Variants in KIF13B observed in about 807,000 individuals in gnomAD.
The protein encoded by KIF13B is kinesin-like protein KIF13B.
A neutral mutation model predicts 222.0 loss-of-function variants in KIF13B; 127 were observed. That is an observed-to-expected ratio of 0.57 (90% CI 0.50 to 0.66). KIF13B has a LOEUF of 0.66. KIF13B is among the 30% of genes least tolerant of loss of function. KIF13B has a pLI of 0.00. For missense variants in KIF13B, 2,173 were observed against 2,379.0 expected (o/e 0.91, Z 1.80); for synonymous variants, 976 against 919.0 (o/e 1.06, Z -1.12).
At chr8:29,234,835 C>A (rs1815436781) in intron 2 of KIF13B, among the ~76,000 whole-genome samples, 2 of 151,998 alleles carry the variant, frequency 1.3e-5, no homozygotes, top group Admixed American at 6.6e-5. Flanking sequence ...CCTGGCAAAT[C>A]ATAAAAATGA....
At chr8:29,216,589 ACT>A (rs1319254717) in intron 2 of KIF13B, among the ~76,000 whole-genome samples, 1 of 151,394 alleles carries the variant, frequency 6.6e-6, no homozygotes, top group African/African-American at 2.4e-5. Context: ...ACAAAGTGAG[ACT>A]CTGTCTCAAA....
At chr8:29,122,533 T>C in intron 29 of KIF13B, 58 bp downstream of exon 29, 4 of 1,400,178 alleles carry the variant, frequency 2.9e-6, no homozygotes, top group East Asian at 4.7e-5. Context: ...GGAATCTACA[T>C]GTTATGTAGG....
chr8:29,178,784 T>C (rs1293591518), intron 8 of KIF13B, among the ~76,000 whole-genome samples: 1 of 152,152 alleles, frequency 6.6e-6, no homozygotes, highest in Non-Finnish European at 1.5e-5. Flanking sequence ...TTTCAGCAGA[T>C]GAAAATCCTG....
In KIF13B at chr8:29,167,352, G is replaced by A. The variant is rs375775010; in HGVS notation, c.1158+21C>T. On this transcript the variant is annotated intron_variant, in intron 11 of 39. Transcript: ENST00000524189. ...ATTCCTCTTCCTGGACTCACAGGGC[G>A]CACGCGGTGGTGCCTCCTACCTCTG... 4.4e-5 allele frequency: 70 copies of A among 1,586,270 alleles called. No homozygotes were observed. In the African/African-American group the frequency reaches 8.1e-4, roughly 18 times the overall value.
At chr8:29,230,431 C>A (rs1456588429) in intron 2 of KIF13B, among the ~76,000 whole-genome samples, 1 of 152,182 alleles carries the variant, frequency 6.6e-6, no homozygotes, top group Non-Finnish European at 1.5e-5. Context: ...ACTATCCATA[C>A]CAAGTTCTGG....
At chr8:29,163,563 C>A (rs190285204) in intron 12 of KIF13B, among the ~76,000 whole-genome samples, 3 of 152,340 alleles carry the variant, frequency 2.0e-5, no homozygotes, top group Middle Eastern at 3.4e-3. Flanking sequence ...GACTTATTAA[C>A]ACTTTGTAGC....
rs182760130 is a variant in KIF13B at position 29,090,428 on chromosome 8, C to G, written c.4458+2317G>C. Reference sequence around the variant, plus strand: ...ACTGGATGTAAAGACTTGATGGAATCTACAGTCCCAGGAGTGGATCGCGGA... The same window carrying G: ...ACTGGATGTAAAGACTTGATGGAATGTACAGTCCCAGGAGTGGATCGCGGA... On this transcript the variant is annotated intron_variant, in intron 37 of 39. Coordinates refer to ENST00000524189, the MANE Select transcript of KIF13B (RefSeq NM_015254.4). Among the ~76,000 whole-genome samples, 8 of 152,320 alleles carry G rather than the reference C, an allele frequency of 5.3e-5. 1 individual carries two copies. The highest frequency in any genetic ancestry group is 4.6e-4 in the Admixed American group (7 of 15,290).
chr8:29,145,852 A>C (rs1811037519), intron 18 of KIF13B: 1 of 153,128 alleles, frequency 6.5e-6, no homozygotes, highest in Non-Finnish European at 1.4e-5. Context: ...CTGAATGGCA[A>C]AGATAGAAGA....
At chr8:29,128,657 C>T (rs1333695410) in intron 24 of KIF13B, among the ~76,000 whole-genome samples, 1 of 152,042 alleles carries the variant, frequency 6.6e-6, no homozygotes, top group Non-Finnish European at 1.5e-5. Context: ...GTGAAGTGCG[C>T]ACTTGAAGGG....
intron 9 of KIF13B, 112 bp from the exon 10 acceptor site, chr8:29,176,291 CCT>C: frequency 1.5e-6 from 1 of 653,778 alleles, no homozygotes; most frequent in South Asian, 1.9e-5. Context: ...TGAGCAGCAC[CCT>C]GTCAGCATTT....
Position 29,116,945 on chromosome 8 carries a change from C to G in KIF13B, c.3723G>C (p.Thr1241=). The change falls in exon 31 of 40, where the codon ACG becomes ACC. Residue 1241 remains threonine, a synonymous_variant. Coordinates refer to ENST00000524189, the MANE Select transcript of KIF13B (RefSeq NM_015254.4). ...VHGCPQLSRG[T]PVDERLFLIV... ...TCAGGAACAACCGCTCGTCCACGGGCGTGCCCCTGCTGAGCTGAGGGCAGC... is the reference window on the plus strand; with the variant it reads ...TCAGGAACAACCGCTCGTCCACGGGGGTGCCCCTGCTGAGCTGAGGGCAGC... The G allele has an allele frequency of 6.2e-7, 1 of 1,612,212 alleles. No homozygotes were observed. Among genetic ancestry groups the G allele is most frequent in the Non-Finnish European group, 8.5e-7 (1 of 1,178,664 alleles).
At chr8:29,121,829 T>G (rs1809873104) in intron 29 of KIF13B, among the ~76,000 whole-genome samples, 1 of 150,514 alleles carries the variant, frequency 6.6e-6, no homozygotes, top group South Asian at 2.1e-4. Context: ...AATACAGGGA[T>G]GAATGGCACA....
chr8:29,242,950 AAT>A (rs1435503706), intron 2 of KIF13B, among the ~76,000 whole-genome samples: 4 of 152,204 alleles, frequency 2.6e-5, no homozygotes, highest in African/African-American at 9.6e-5. Flanking sequence ...AACTGAGTAA[AAT>A]AAAGTTTATG....
chr8:29,235,432 G>C (rs750736821), intron 2 of KIF13B, among the ~76,000 whole-genome samples: 2 of 152,184 alleles, frequency 1.3e-5, no homozygotes, highest in Admixed American at 6.5e-5. Context: ...GTACCCTTCA[G>C]AAATTCCAAC....
chr8:29,176,514 A>G (rs191550023), intron 9 of KIF13B, among the ~76,000 whole-genome samples: 21 of 152,344 alleles, frequency 1.4e-4, no homozygotes, highest in Admixed American at 1.2e-3. Context: ...AATTGTATAT[A>G]TGAGATTCAA....
Position 29,146,505 on chromosome 8 carries a change from C to T in KIF13B, c.2060G>A (p.Arg687Lys). The change falls in exon 18 of 40, where the codon AGG becomes AAG. Residue 687 changes from arginine (R) to lysine (K), a missense_variant. Around this residue, in one of 2 missense-constraint regions of KIF13B, gnomAD observed 1,480 missense variants for 1,722.8 expected, o/e 0.86. Transcript: ENST00000524189. ...ATLNNSLMRL[R>K]EQIVKANLLV... ...TAGATTGGCCTTAACAATTTGTTCCCTCAGCCTCATCAGGCTGTTATTCAA... is the reference window on the plus strand; with the variant it reads ...TAGATTGGCCTTAACAATTTGTTCCTTCAGCCTCATCAGGCTGTTATTCAA... The T allele has an allele frequency of 6.2e-7, 1 of 1,613,840 alleles. No homozygotes were observed. The highest frequency in any genetic ancestry group is 8.5e-7 in the Non-Finnish European group (1 of 1,179,826).
intron 6 of KIF13B, 146 bp downstream of exon 6, chr8:29,186,146 T>C (rs1029647224): frequency 1.1e-5 from 7 of 631,378 alleles, no homozygotes; most frequent in Admixed American, 2.9e-5. Context: ...AGTTCAAGGC[T>C]GAAGTAAGCT....
chr8:29,116,313 C>T (rs1809593483), intron 31 of KIF13B, among the ~76,000 whole-genome samples: 1 of 152,140 alleles, frequency 6.6e-6, no homozygotes, highest in Admixed American at 6.5e-5. Context: ...ATAAGGAATA[C>T]AAAAAATTAG....
chr8:29,075,359 T>A lies in KIF13B; in HGVS notation c.4459-16A>T, dbSNP rs1279157377. The A allele has an allele frequency of 1.9e-6, 3 of 1,554,312 alleles. No individual in the cohort carries two copies. Among genetic ancestry groups the A allele is most frequent in the Admixed American group, 3.9e-5 (2 of 51,566 alleles). ...GGGGCACGGGCTGAGGAGGCAAGTG[T>A]GCAGGTCAGGGGTCGAGAGGACAGA... is the stretch of plus-strand genomic sequence containing the variant. On this transcript the variant is annotated splice_polypyrimidine_tract_variant and intron_variant, in intron 37 of 39. Coordinates refer to ENST00000524189, the MANE Select transcript of KIF13B (RefSeq NM_015254.4).
Sources: allele counts gnomAD v4.1 joint callset (sites outside exome capture counted in the v4.1 genomes callset), GRCh38; gene constraint gnomAD v4.1.1; regional missense constraint gnomAD v4.1.1; transcripts MANE v1.5; gene names NCBI Gene and HGNC (gene_info 2026-07-23, HGNC 2026-07-21).